The following SNX29 variants were observed in gnomAD, a reference collection of about 807,000 sequenced individuals.
SNX29 encodes the protein sorting nexin-29.
Under a neutral mutation model 102.1 loss-of-function variants are expected in SNX29, and 78 were observed. The observed-to-expected ratio is 0.76, with a 90% CI of 0.64 to 0.92. The LOEUF is 0.92. Among genes scored for constraint, SNX29 ranks in the 40% least tolerant of loss-of-function variants. The probability of loss-of-function intolerance (pLI) is 0.00; values close to 1 mark genes in which losing one functional copy is unlikely to be tolerated. For synonymous variants in SNX29, 580 were observed against 414.5 expected, an observed-to-expected ratio of 1.40 and a Z score of -4.85; for missense variants, 1,280 against 1,061.7, an observed-to-expected ratio of 1.21 and a Z score of -2.86.
At chr16:12,190,348 C>T (rs1212464033) in intron 13 of SNX29, among the ~76,000 whole-genome samples, 3 of 151,914 alleles carry the variant, frequency 2.0e-5, no homozygotes, top group African/African-American at 7.3e-5. Flanking sequence ...TAAGACATGG[C>T]CACTGTCTTC....
At chr16:12,219,330 A>G (rs565786219) in intron 14 of SNX29, among the ~76,000 whole-genome samples, 51 of 152,222 alleles carry the variant, frequency 3.4e-4, no homozygotes, top group African/African-American at 1.1e-3. Flanking sequence ...GCCCACAGTA[A>G]GAAATACTCT....
At chr16:12,495,792 G>A (rs2088790927) in intron 19 of SNX29, among the ~76,000 whole-genome samples, 1 of 152,156 alleles carries the variant, frequency 6.6e-6, no homozygotes, top group Non-Finnish European at 1.5e-5. Flanking sequence ...GGTGGCTCAC[G>A]CCTGTAATCC....
At chr16:12,560,426 G>C (rs571297314) in intron 20 of SNX29, among the ~76,000 whole-genome samples, 1 of 152,116 alleles carries the variant, frequency 6.6e-6, no homozygotes, top group Non-Finnish European at 1.5e-5. Context: ...TGTCCTGTAG[G>C]CATCCATGTC....
intron 19 of SNX29, among the ~76,000 whole-genome samples, chr16:12,482,761 A>C (rs1031275554): frequency 2.0e-5 from 3 of 152,214 alleles, no homozygotes; most frequent in African/African-American, 4.8e-5. Context: ...CTGAATGTCT[A>C]TATATTTCCC....
intron 18 of SNX29, among the ~76,000 whole-genome samples, chr16:12,453,272 C>G (rs74009077): frequency 0.044 from 6,748 of 152,294 alleles, 331 homozygotes; most frequent in African/African-American, 0.13. Context: ...CAGATGCATT[C>G]TCAGAATCAT....
chr16:12,249,593 G>T (rs756248876), intron 14 of SNX29, among the ~76,000 whole-genome samples: 3 of 152,200 alleles, frequency 2.0e-5, no homozygotes, highest in Non-Finnish European at 2.9e-5. Flanking sequence ...GAACCAGCCT[G>T]CCGGGTCTGA....
chr16:12,497,605 C>G (rs1003908967), intron 19 of SNX29, among the ~76,000 whole-genome samples: 1 of 152,212 alleles, frequency 6.6e-6, no homozygotes, highest in Non-Finnish European at 1.5e-5. Context: ...CTTGACCAGT[C>G]TCCTTCTCTT....
chr16:12,485,891 C>A (rs139240844), intron 19 of SNX29, among the ~76,000 whole-genome samples: 3 of 152,142 alleles, frequency 2.0e-5, no homozygotes, highest in African/African-American at 4.8e-5. Context: ...GGGCTCCCAG[C>A]CAGAAATCTA....
chr16:12,402,197 A>G (rs530001698), intron 17 of SNX29, among the ~76,000 whole-genome samples: 8 of 152,354 alleles, frequency 5.3e-5, no homozygotes, highest in Non-Finnish European at 1.0e-4. Flanking sequence ...TTACCCCTCA[A>G]AGGAGGTCAG....
chr16:12,356,475 C>G (rs2082140516), intron 16 of SNX29, among the ~76,000 whole-genome samples, 196 bp downstream of exon 16: 1 of 152,176 alleles, frequency 6.6e-6, no homozygotes, highest in Non-Finnish European at 1.5e-5. Flanking sequence ...TCTGTTGAAG[C>G]AACATTTCCT....
chr16:12,282,932 C>G, intron 15 of SNX29, among the ~76,000 whole-genome samples: 1 of 152,200 alleles, frequency 6.6e-6, no homozygotes, highest in East Asian at 1.9e-4. Context: ...GCTGGGATTA[C>G]AGGCGTGAGC....
At chr16:12,550,356 G>C (rs909498036) in intron 20 of SNX29, among the ~76,000 whole-genome samples, 3 of 152,086 alleles carry the variant, frequency 2.0e-5, no homozygotes, top group African/African-American at 7.2e-5. Flanking sequence ...CCAACAAGAG[G>C]AAAACCCATC....
Position 12,573,784 on chromosome 16 carries a change from T to A in SNX29, c.*5155T>A. On this transcript the variant is annotated 3_prime_UTR_variant, in exon 21 of 21. Transcript: ENST00000566228. ...GCTCAGTGACCCCAGAGACCATTAA[T>A]TTCCCGGAGTGAAGGGGATGGGGGT... is the stretch of plus-strand genomic sequence containing the variant. 1 of 222,396 alleles carries A rather than the reference T, an allele frequency of 4.5e-6. No individual in the cohort carries two copies. The highest frequency in any genetic ancestry group is 9.0e-6 in the Non-Finnish European group (1 of 111,236). 13.8% of individuals were successfully genotyped at this position (222,396 alleles called of 1,614,324 possible).
intron 11 of SNX29, among the ~76,000 whole-genome samples, chr16:12,104,239 T>G (rs1010685140): frequency 6.6e-6 from 1 of 152,188 alleles, no homozygotes; most frequent in South Asian, 2.1e-4. Context: ...ACCCAGGCTA[T>G]GGTTCTTTGA....
intron 16 of SNX29, among the ~76,000 whole-genome samples, chr16:12,395,520 T>A (rs1273362094): frequency 6.6e-6 from 1 of 152,250 alleles, no homozygotes; most frequent in Admixed American, 6.5e-5. Flanking sequence ...GCTTTGCCTT[T>A]CCTTGCACCT....
Position 12,531,857 on chromosome 16 carries a change from A to C in SNX29, c.2318+7016A>C, listed in dbSNP as rs1324698077. Among the ~76,000 whole-genome samples, 14 of 152,330 alleles carry C rather than the reference A, an allele frequency of 9.2e-5. No individual in the cohort carries two copies. In the East Asian group the frequency reaches 2.7e-3, roughly 29 times the overall value. On this transcript the variant is annotated intron_variant, in intron 20 of 20. Transcript: ENST00000566228. ...CGCCTGTGAGCTGCCTTCAGGTAGC[A>C]GTTTCTCCCAGGCATGCCTCAGGAA... is the stretch of plus-strand genomic sequence containing the variant.
intron 16 of SNX29, chr16:12,366,892 C>T (rs980628110): frequency 7.4e-6 from 1 of 136,042 alleles, no homozygotes; most frequent in African/African-American, 2.5e-5. Context: ...CTGCCTGACT[C>T]TCTCTCTCTG....
intron 18 of SNX29, among the ~76,000 whole-genome samples, chr16:12,451,921 G>C (rs1340247581): frequency 1.3e-5 from 2 of 152,222 alleles, no homozygotes; most frequent in African/African-American, 2.4e-5. Context: ...GATACCTCCA[G>C]TTCTCTCTTT....
intron 19 of SNX29, among the ~76,000 whole-genome samples, chr16:12,512,375 T>A (rs1168276965): frequency 1.5e-4 from 2 of 13,718 alleles, no homozygotes; most frequent in East Asian, 3.7e-3. Flanking sequence ...GGAAAATATA[T>A]ATATATATAT....
Sources: allele counts gnomAD v4.1 joint callset (sites outside exome capture counted in the v4.1 genomes callset), GRCh38; gene constraint gnomAD v4.1.1; transcripts MANE v1.5; gene names NCBI Gene and HGNC (gene_info 2026-07-23, HGNC 2026-07-21).